Variants in NRXN3 observed in about 807,000 individuals in gnomAD.
The protein encoded by NRXN3 is neurexin III.
In NRXN3, 32 loss-of-function variants were observed where a neutral mutation model predicts 137.6. The observed-to-expected ratio is 0.23, with a 90% CI of 0.18 to 0.31. The LOEUF (loss-of-function observed/expected upper bound fraction) is 0.31. Among genes scored for constraint, NRXN3 ranks in the 10% least tolerant of loss-of-function variants. NRXN3 has a pLI of 1.00. For synonymous variants in NRXN3, 798 were observed against 784.5 expected, an observed-to-expected ratio of 1.02 and a Z score of -0.29; for missense variants, 1,574 against 2,062.5, an observed-to-expected ratio of 0.76 and a Z score of 4.59.
At chr14:79,750,136 G>C (rs989175991) in intron 19 of NRXN3, among the ~76,000 whole-genome samples, 1 of 152,098 alleles carries the variant, frequency 6.6e-6, no homozygotes, top group Non-Finnish European at 1.5e-5. Context: ...AGAAGGACTG[G>C]ATTAGAACCA....
At chr14:79,614,535 TTCCCTCTTCTACTCCC>T (rs1034760190) in intron 16 of NRXN3, among the ~76,000 whole-genome samples, 43 of 152,320 alleles carry the variant, frequency 2.8e-4, no homozygotes, top group Admixed American at 6.5e-4. Flanking sequence ...ATCCCCTTCC[TTCCCTCTTCTACTCCC>T]TCCTTGCTTT....
rs74064009 is a variant in NRXN3 at position 79,745,345 on chromosome 14, C to T, written c.4014+47408C>T. Among the ~76,000 whole-genome samples the T allele has an allele frequency of 3.7e-3, 558 of 152,228 alleles. 6 individuals are homozygous for T. Among genetic ancestry groups the T allele is most frequent in the African/African-American group, 0.012 (508 of 41,552 alleles). ...GTGAACAATAATAGCTCTTCTTCTA[C>T]GTCATTTCCTTAGATGTGAAGAAAC... On this transcript the variant is annotated intron_variant, in intron 19 of 20. Transcript: ENST00000335750.
rs200645974 is a variant in NRXN3 at position 79,718,348 on chromosome 14, C to G, written c.4014+20411C>G. Among the ~76,000 whole-genome samples, 32 of 152,252 alleles carry G rather than the reference C, an allele frequency of 2.1e-4. 1 individual carries two copies. In the East Asian group the frequency reaches 5.8e-3, roughly 28 times the overall value. On this transcript the variant is annotated intron_variant, in intron 19 of 20. Transcript: ENST00000335750. ...GAAGAAATCTGGTGTGAGGTAAGAT[C>G]TGAGAAGTGGCAGGGACTGAAACAG...
intron 4 of NRXN3, among the ~76,000 whole-genome samples, chr14:78,543,923 C>G (rs2096615059): frequency 1.3e-5 from 2 of 152,092 alleles, no homozygotes; most frequent in Non-Finnish European, 2.9e-5. Flanking sequence ...CACTGAGGCT[C>G]AGTGCCACTA....
chr14:79,212,262 A>T (rs556527553), intron 15 of NRXN3, among the ~76,000 whole-genome samples: 1 of 152,326 alleles, frequency 6.6e-6, no homozygotes, highest in Admixed American at 6.5e-5. Context: ...GGCAATAACC[A>T]TCGAAAGGAC....
At chr14:78,939,053 G>C (rs1377999948) in intron 10 of NRXN3, among the ~76,000 whole-genome samples, 1 of 151,834 alleles carries the variant, frequency 6.6e-6, no homozygotes, top group Non-Finnish European at 1.5e-5. Flanking sequence ...CACCGTGTTA[G>C]CCAGGATGGT....
chr14:78,319,179 G>A (rs2153556637), intron 4 of NRXN3, among the ~76,000 whole-genome samples: 1 of 152,332 alleles, frequency 6.6e-6, no homozygotes, highest in Admixed American at 6.5e-5. Context: ...AGATGGGAGA[G>A]CTGGGACTCA....
chr14:79,257,056 G>C (rs919748298), intron 15 of NRXN3, among the ~76,000 whole-genome samples: 3 of 152,140 alleles, frequency 2.0e-5, no homozygotes, highest in Non-Finnish European at 2.9e-5. Flanking sequence ...CTGGGCATTA[G>C]GTCACAGCCT....
At chr14:79,077,342 A>C (rs2046147442) in intron 15 of NRXN3, among the ~76,000 whole-genome samples, 1 of 152,202 alleles carries the variant, frequency 6.6e-6, no homozygotes, top group African/African-American at 2.4e-5. Context: ...AGCCCGAGGC[A>C]CTGGGGAAGT....
In NRXN3 at chr14:79,225,510, G is replaced by A. The variant is rs73325855; in HGVS notation, c.3262+237369G>A. 8.1e-3 allele frequency among the ~76,000 whole-genome samples: 1,226 copies of A among 152,168 alleles called. 17 individuals are homozygous for A. Among genetic ancestry groups the A allele is most frequent in the African/African-American group, 0.028 (1,160 of 41,502 alleles). ...TATGTCTTAGTTTCCTATCACTGCT[G>A]TAATAAATCACGGCAACCTTTGCAA... On this transcript the variant is annotated intron_variant, in intron 15 of 20. Coordinates refer to ENST00000335750, the MANE Select transcript of NRXN3 (RefSeq NM_001330195.2).
intron 4 of NRXN3, among the ~76,000 whole-genome samples, chr14:78,593,487 G>A (rs2097134123): frequency 1.3e-5 from 2 of 152,188 alleles, no homozygotes; most frequent in Non-Finnish European, 2.9e-5. Context: ...CACAGGCTAA[G>A]CACCCTTGTG....
intron 1 of NRXN3, among the ~76,000 whole-genome samples, chr14:78,200,186 G>T (rs749632357): frequency 7.9e-5 from 12 of 152,190 alleles, no homozygotes; most frequent in Non-Finnish European, 1.3e-4. Context: ...CAGCACAGTG[G>T]CAGGCGATCT....
At chr14:79,175,210 G>A (rs1393367087) in intron 15 of NRXN3, among the ~76,000 whole-genome samples, 2 of 152,186 alleles carry the variant, frequency 1.3e-5, no homozygotes, top group East Asian at 3.9e-4. Flanking sequence ...TCGATCTCCT[G>A]ACCTCGTGAT....
chr14:79,844,491 A>G (rs2099362914), intron 20 of NRXN3, among the ~76,000 whole-genome samples: 2 of 152,072 alleles, frequency 1.3e-5, no homozygotes, highest in African/African-American at 4.8e-5. Flanking sequence ...ATCCATGCAC[A>G]GCAGAATGGA....
At chr14:78,978,544 T>A (rs1490539418) in intron 14 of NRXN3, among the ~76,000 whole-genome samples, 1 of 151,834 alleles carries the variant, frequency 6.6e-6, no homozygotes, top group South Asian at 2.1e-4. Flanking sequence ...CTCAACACTG[T>A]AAATTTAGAA....
At chr14:78,270,556 T>C (rs191354709) in intron 2 of NRXN3, among the ~76,000 whole-genome samples, 1 of 152,334 alleles carries the variant, frequency 6.6e-6, no homozygotes, top group East Asian at 1.9e-4. Context: ...TGGGAAATAT[T>C]ATTTGGCTGG....
intron 1 of NRXN3, among the ~76,000 whole-genome samples, chr14:78,175,469 C>T (rs1279521506): frequency 6.6e-6 from 1 of 152,212 alleles, no homozygotes; most frequent in African/African-American, 2.4e-5. Flanking sequence ...TAAAACCTCA[C>T]TGCCTAGAAA....
chr14:78,424,613 C>A (rs1210836342), intron 4 of NRXN3, among the ~76,000 whole-genome samples: 2 of 152,160 alleles, frequency 1.3e-5, no homozygotes, highest in African/African-American at 2.4e-5. Flanking sequence ...TCTGAGACAT[C>A]CCCAGAGCAA....
chr14:79,072,954 C>T (rs2099690008), intron 15 of NRXN3, among the ~76,000 whole-genome samples: 2 of 149,562 alleles, frequency 1.3e-5, no homozygotes, highest in Admixed American at 6.7e-5. Flanking sequence ...GGTGCAATCT[C>T]GGCTCACTGC....
Sources: gnomAD v4.1 joint callset for allele counts (sites outside exome capture counted in the v4.1 genomes callset) on GRCh38, gnomAD v4.1.1 for gene constraint, MANE v1.5 for transcripts, NCBI Gene and HGNC (gene_info 2026-07-23, HGNC 2026-07-21) for gene names.